ARHGEF28: variants seen among roughly 807,000 people sequenced by gnomAD.
ARHGEF28 encodes the protein 190 kDa guanine nucleotide exchange factor.
A neutral mutation model predicts 206.6 loss-of-function variants in ARHGEF28; 152 were observed. That is an observed-to-expected ratio of 0.74 (90% CI 0.64 to 0.84). The LOEUF (loss-of-function observed/expected upper bound fraction) is 0.84. ARHGEF28 is among the 40% of genes least tolerant of loss of function. The probability of loss-of-function intolerance (pLI) is 0.00; values close to 1 mark genes in which losing one functional copy is unlikely to be tolerated. For missense variants in ARHGEF28, 2,028 were observed against 2,073.2 expected (o/e 0.98, Z 0.42); for synonymous variants, 763 against 776.4 (o/e 0.98, Z 0.29).
Position 73,858,200 on chromosome 5 carries a change from AG to A in ARHGEF28, c.2029del (p.Glu677SerfsTer130). ...LVCDKTLLGK[E>X]SLQCSNCNAN... ...TTTGTGATAAAACACTCCTGGGGAAAGAGTCACTGCAGTGTTCTAGTAAGTT... is the reference window on the plus strand; with the variant it reads ...TTTGTGATAAAACACTCCTGGGGAAAAGTCACTGCAGTGTTCTAGTAAGTT... On this transcript the variant is annotated frameshift_variant, in exon 16 of 36. Transcript: ENST00000513042. LOFTEE classifies it high-confidence loss of function. 1 of 1,603,486 alleles carries A rather than the reference AG, an allele frequency of 6.2e-7. No homozygotes were observed. The highest frequency in any genetic ancestry group is 1.7e-4 in the Middle Eastern group (1 of 6,004).
In ARHGEF28 at chr5:73,768,875, G is replaced by A. The variant is rs143371054; in HGVS notation, c.476-4980G>A. Among the ~76,000 whole-genome samples, 354 of 152,064 alleles carry A rather than the reference G, an allele frequency of 2.3e-3. 3 individuals carry two copies. Among genetic ancestry groups the A allele is most frequent in the African/African-American group, 8.1e-3 (336 of 41,426 alleles). ...TTCCCATGTATCATGGGAGGAACCT[G>A]GTAAGAGGTGATTGAATTATGGGGA... is the stretch of plus-strand genomic sequence containing the variant. On this transcript the variant is annotated intron_variant, in intron 4 of 35. Coordinates refer to ENST00000513042, the MANE Select transcript of ARHGEF28 (RefSeq NM_001177693.2).
chr5:73,754,336 T>C (rs1460468487), intron 4 of ARHGEF28, among the ~76,000 whole-genome samples: 6 of 152,174 alleles, frequency 3.9e-5, no homozygotes, highest in African/African-American at 1.4e-4. Flanking sequence ...AGACGTCTCT[T>C]GTTTTTAAGA....
chr5:73,839,474 C>T (rs1407739347), intron 10 of ARHGEF28, among the ~76,000 whole-genome samples: 1 of 152,166 alleles, frequency 6.6e-6, no homozygotes, highest in Admixed American at 6.5e-5. Context: ...ACTGTCCTCA[C>T]TCCAGACTTG....
intron 1 of ARHGEF28, among the ~76,000 whole-genome samples, chr5:73,634,445 C>T (rs1743569338): frequency 1.3e-5 from 2 of 152,182 alleles, no homozygotes; most frequent in Admixed American, 1.3e-4. Flanking sequence ...ACACTGGCTC[C>T]AAAATGCCAC....
chr5:73,927,201 A>T (rs544223475), intron 35 of ARHGEF28, among the ~76,000 whole-genome samples: 4 of 152,060 alleles, frequency 2.6e-5, no homozygotes, highest in Non-Finnish European at 5.9e-5. Flanking sequence ...TCACTAAAAA[A>T]AAAAATAAAA....
intron 2 of ARHGEF28, among the ~76,000 whole-genome samples, chr5:73,700,924 A>G (rs1416355286): frequency 2.0e-5 from 3 of 152,236 alleles, no homozygotes; most frequent in Non-Finnish European, 4.4e-5. Context: ...GGTTAGTGGA[A>G]CAAAATGAGT....
chr5:73,875,456 G>T (rs1160757419), intron 22 of ARHGEF28, among the ~76,000 whole-genome samples: 1 of 148,140 alleles, frequency 6.8e-6, no homozygotes, highest in Non-Finnish European at 1.5e-5. Context: ...GGCTTTTGTT[G>T]CCATTGCTTT....
At chr5:73,749,812 A>G (rs367721771) in intron 2 of ARHGEF28, 25 bp from the exon 3 acceptor site, 31 of 1,612,582 alleles carry the variant, frequency 1.9e-5, no homozygotes, top group Non-Finnish European at 2.5e-5. Flanking sequence ...AAGTCTGACA[A>G]TGCCCCGACT....
At chr5:73,813,698 C>A (rs776550650) in intron 9 of ARHGEF28, 2 of 1,530,210 alleles carry the variant, frequency 1.3e-6, no homozygotes, top group South Asian at 2.4e-5. Flanking sequence ...CTTTTCTTTC[C>A]TTCACGGGCA....
intron 9 of ARHGEF28, among the ~76,000 whole-genome samples, chr5:73,800,491 T>G (rs1471313007): frequency 1.3e-5 from 2 of 152,170 alleles, no homozygotes; most frequent in Non-Finnish European, 2.9e-5. Context: ...TTCGGGTTAC[T>G]TCATTGCTAT....
chr5:73,633,843 C>G (rs1743530442), intron 1 of ARHGEF28, among the ~76,000 whole-genome samples: 1 of 152,106 alleles, frequency 6.6e-6, no homozygotes, highest in African/African-American at 2.4e-5. Context: ...TCCCAACGTG[C>G]TGGGGTTACA....
intron 9 of ARHGEF28, among the ~76,000 whole-genome samples, chr5:73,828,708 CTCTT>C (rs1264998858): frequency 3.4e-5 from 5 of 147,842 alleles, no homozygotes; most frequent in Admixed American, 2.1e-4. Flanking sequence ...TTCTCTCTGT[CTCTT>C]TCTCTTTCTT....
At chr5:73,908,216 C>G (rs1762654907) in intron 33 of ARHGEF28, among the ~76,000 whole-genome samples, 1 of 151,838 alleles carries the variant, frequency 6.6e-6, no homozygotes, top group Admixed American at 6.6e-5. Context: ...TTCAAAAGGC[C>G]CCAGTGAATA....
chr5:73,886,028 G>A lies in ARHGEF28; in HGVS notation c.3234G>A (p.Gln1078=), dbSNP rs1266869561. ...KLKNGHVFRK[Q]ALMSEERTLL... ...AAAATGGACATGTGTTTAGGAAGCA[G>A]GCACTGATGAGTGAAGAAAGGACTC... Residue 1078 remains glutamine, a synonymous_variant, in exon 25 of 36, where the codon CAG becomes CAA. Transcript: ENST00000513042. 3.1e-6 allele frequency: 5 copies of A among 1,613,804 alleles called. No homozygotes were observed. Among genetic ancestry groups the A allele is most frequent in the Non-Finnish European group, 4.2e-6 (5 of 1,179,852 alleles).
intron 1 of ARHGEF28, among the ~76,000 whole-genome samples, chr5:73,681,166 T>C (rs1333123340): frequency 6.6e-6 from 1 of 151,954 alleles, no homozygotes; most frequent in Non-Finnish European, 1.5e-5. Context: ...AAGGATCTTC[T>C]AATTTTATCA....
chr5:73,703,408 G>A (rs570913826), intron 2 of ARHGEF28, among the ~76,000 whole-genome samples: 1 of 152,236 alleles, frequency 6.6e-6, no homozygotes, highest in South Asian at 2.1e-4. Context: ...GTTTCCCGTG[G>A]GAACAGGACG....
chr5:73,756,531 T>G (rs539133524), intron 4 of ARHGEF28, among the ~76,000 whole-genome samples: 1 of 152,340 alleles, frequency 6.6e-6, no homozygotes, highest in East Asian at 1.9e-4. Context: ...AAGTCGAATT[T>G]TACTCTGAAG....
At chr5:73,902,321 G>T (rs1383142763) in intron 31 of ARHGEF28, 1 of 152,122 alleles carries the variant, frequency 6.6e-6, no homozygotes, top group Non-Finnish European at 1.5e-5. Context: ...TCACTTTTAA[G>T]TGTGAAGTTT....
At chr5:73,917,550 G>T (rs1199866712) in intron 35 of ARHGEF28, among the ~76,000 whole-genome samples, 1 of 152,208 alleles carries the variant, frequency 6.6e-6, no homozygotes, top group Non-Finnish European at 1.5e-5. Context: ...GGGCAGGTTG[G>T]CTATGTGAGC....
Sources: gnomAD v4.1 joint callset for allele counts (sites outside exome capture counted in the v4.1 genomes callset) on GRCh38, gnomAD v4.1.1 for gene constraint, MANE v1.5 for transcripts, NCBI Gene and HGNC (gene_info 2026-07-23, HGNC 2026-07-21) for gene names.